GRIK1: variants seen among roughly 807,000 people sequenced by gnomAD.
The protein encoded by GRIK1 is glutamate ionotropic receptor kainate type subunit 1.
GRIK1 carries 69 observed loss-of-function variants against 105.7 expected under a neutral mutation model. The ratio of observed to expected loss-of-function variants is 0.65; its 90% CI spans 0.54 to 0.80. GRIK1 has a LOEUF of 0.80. Ranked by LOEUF, GRIK1 falls within the 30% of genes least tolerant of loss-of-function variation. The pLI is 0.00. For synonymous variants in GRIK1, 438 were observed against 431.3 expected (o/e 1.02, Z -0.19); for missense variants, 1,109 against 1,167.3 (o/e 0.95, Z 0.73).
intron 1 of GRIK1, among the ~76,000 whole-genome samples, chr21:29,802,118 A>G (rs1378133368): frequency 6.6e-6 from 1 of 152,202 alleles, no homozygotes; most frequent in Non-Finnish European, 1.5e-5. Context: ...AGACACATGG[A>G]AGGCACTAGA....
chr21:29,690,124 G>A (rs185429155), intron 2 of GRIK1, 139 bp from the exon 3 acceptor site: 334 of 692,732 alleles, frequency 4.8e-4, no homozygotes, highest in South Asian at 1.0e-3. Context: ...TACAATCCCT[G>A]TCTGCATATT....
At chr21:29,587,322 G>T in intron 12 of GRIK1, 44 bp downstream of exon 12, 1 of 1,256,112 alleles carries the variant, frequency 8.0e-7, no homozygotes, top group Non-Finnish European at 1.2e-6. Flanking sequence ...AGAAATCTGA[G>T]ACTGACCTAC....
chr21:29,729,809 G>T (rs1413520502), intron 1 of GRIK1, among the ~76,000 whole-genome samples: 1 of 152,146 alleles, frequency 6.6e-6, no homozygotes, highest in African/African-American at 2.4e-5. Context: ...TGTATATTTT[G>T]AATTGAGTTT....
intron 7 of GRIK1, among the ~76,000 whole-genome samples, chr21:29,642,354 A>G (rs2062528562): frequency 6.6e-6 from 1 of 152,236 alleles, no homozygotes; most frequent in Non-Finnish European, 1.5e-5. Flanking sequence ...CAGTTAGCTG[A>G]TAAATGACAA....
intron 16 of GRIK1, among the ~76,000 whole-genome samples, chr21:29,543,974 C>G (rs770394480): frequency 3.3e-5 from 5 of 152,142 alleles, no homozygotes; most frequent in Non-Finnish European, 4.4e-5. Context: ...TTTTCATTAC[C>G]TCCATGTTGT....
intron 1 of GRIK1, among the ~76,000 whole-genome samples, chr21:29,937,792 A>G (rs2071818704): frequency 1.2e-5 from 1 of 81,496 alleles, no homozygotes; most frequent in South Asian, 3.6e-4. Context: ...TGTATTGTTC[A>G]GAATATTTTT....
intron 1 of GRIK1, chr21:29,861,826 G>T: frequency 8.1e-6 from 2 of 247,772 alleles, no homozygotes; most frequent in Non-Finnish European, 1.6e-5. Context: ...TAATTATGTT[G>T]TATAATTCTT....
chr21:29,543,566 C>T (rs567263559), intron 16 of GRIK1, among the ~76,000 whole-genome samples: 1 of 152,240 alleles, frequency 6.6e-6, no homozygotes, highest in East Asian at 1.9e-4. Flanking sequence ...GCATTCACAA[C>T]CCATGGGCCA....
At chr21:29,731,774 C>T (rs1220889710) in intron 1 of GRIK1, among the ~76,000 whole-genome samples, 3 of 152,262 alleles carry the variant, frequency 2.0e-5, no homozygotes, top group South Asian at 4.1e-4. Flanking sequence ...TCAACATCAT[C>T]TCATACCATC....
intron 1 of GRIK1, among the ~76,000 whole-genome samples, chr21:29,810,079 C>T (rs546619687): frequency 6.6e-6 from 1 of 152,232 alleles, no homozygotes; most frequent in African/African-American, 2.4e-5. Context: ...GGGTGGATCA[C>T]TTGAGGTCAG....
At chr21:29,646,873 C>A (rs1037498822) in intron 6 of GRIK1, among the ~76,000 whole-genome samples, 6 of 149,406 alleles carry the variant, frequency 4.0e-5, no homozygotes, top group Non-Finnish European at 8.9e-5. Flanking sequence ...TAGAAGGAGT[C>A]TTGCTCTTAT....
intron 12 of GRIK1, among the ~76,000 whole-genome samples, chr21:29,585,358 T>C (rs1702095459): frequency 6.6e-6 from 1 of 152,156 alleles, no homozygotes; most frequent in East Asian, 1.9e-4. Flanking sequence ...TCTGATGACA[T>C]ACATAAGGAG....
intron 1 of GRIK1, among the ~76,000 whole-genome samples, chr21:29,791,510 G>C (rs78685568): frequency 1.3e-5 from 2 of 150,366 alleles, no homozygotes; most frequent in Non-Finnish European, 2.9e-5. Flanking sequence ...GAAGGGAAGT[G>C]GGGGGGGAAT....
chr21:29,737,640 T>C (rs1220612634), intron 1 of GRIK1, among the ~76,000 whole-genome samples: 2 of 152,270 alleles, frequency 1.3e-5, no homozygotes, highest in African/African-American at 2.4e-5. Flanking sequence ...TCAAATCTCA[T>C]GCTAACACAT....
intron 1 of GRIK1, among the ~76,000 whole-genome samples, chr21:29,753,594 G>A (rs192992864): frequency 7.9e-5 from 12 of 152,140 alleles, no homozygotes; most frequent in African/African-American, 2.9e-4. Flanking sequence ...CTCCCTTTAG[G>A]GCAAGAAAGA....
intron 1 of GRIK1, among the ~76,000 whole-genome samples, chr21:29,852,235 C>T (rs2068330806): frequency 6.6e-6 from 1 of 152,162 alleles, no homozygotes; most frequent in African/African-American, 2.4e-5. Flanking sequence ...GAATCTGACC[C>T]TACTTAAATA....
chr21:29,912,777 A>G (rs2070863436), intron 1 of GRIK1, among the ~76,000 whole-genome samples: 1 of 152,030 alleles, frequency 6.6e-6, no homozygotes, highest in African/African-American at 2.4e-5. Context: ...AAAAGGAGAG[A>G]TGATGATGAT....
intron 7 of GRIK1, chr21:29,630,822 CTTG>C: frequency 2.8e-6 from 1 of 353,798 alleles, no homozygotes; most frequent in Non-Finnish European, 5.5e-6. Context: ...GACAGGCTCT[CTTG>C]TTCTCTCTCT....
At position 29,939,766 on chromosome 21, in the gene GRIK1, G is replaced by A. The variant is rs756853035; in HGVS notation, c.-266C>T. ...TCTTCCATGGGCCGCAGACCGCGGA[G>A]GATCAGCGCTCTCTGGCTCCCGGAG... is the stretch of plus-strand genomic sequence containing the variant. On this transcript the variant is annotated 5_prime_UTR_variant, in exon 1 of 18. Coordinates refer to ENST00000327783, the MANE Select transcript of GRIK1 (RefSeq NM_001330994.2). 199 of 346,570 alleles carry A rather than the reference G, an allele frequency of 5.7e-4. No homozygotes were observed. Among genetic ancestry groups the A allele is most frequent in the Non-Finnish European group, 8.8e-4 (169 of 193,012 alleles). The allele number at this position is 346,570 out of a possible 1,614,324, so 21.5% of individuals were successfully genotyped here.
Sources: allele counts gnomAD v4.1 joint callset (sites outside exome capture counted in the v4.1 genomes callset), GRCh38; gene constraint gnomAD v4.1.1; transcripts MANE v1.5; gene names NCBI Gene and HGNC (gene_info 2026-07-23, HGNC 2026-07-21).